ZNF92: variants seen among roughly 807,000 people sequenced by gnomAD.
The protein encoded by ZNF92 is zinc finger protein 92.
Under a neutral mutation model 12.4 loss-of-function variants are expected in ZNF92, and 11 were observed. The observed-to-expected ratio is 0.89, with a 90% CI of 0.56 to 1.47. The LOEUF (loss-of-function observed/expected upper bound fraction) is 1.47, where lower values mean the gene tolerates loss of function less well. Ranked by LOEUF, ZNF92 falls within the 40% of genes most tolerant of loss-of-function variation. The probability of loss-of-function intolerance (pLI) is 0.00; values close to 1 mark genes in which losing one functional copy is unlikely to be tolerated. For missense variants in ZNF92, 622 were observed against 681.0 expected (o/e 0.91, Z 0.96); for synonymous variants, 206 against 228.6 (o/e 0.90, Z 0.89).
intron 1 of ZNF92, among the ~76,000 whole-genome samples, chr7:65,387,583 T>C (rs1584282198): frequency 1.3e-5 from 2 of 150,112 alleles, no homozygotes; most frequent in East Asian, 3.9e-4. Flanking sequence ...TCTAACTCCA[T>C]GTCTTTTCCA....
At position 65,388,095 on chromosome 7, in the gene ZNF92, T is replaced by A. The variant is rs548167320; in HGVS notation, c.130+67T>A. On this transcript the variant is annotated intron_variant, in intron 2 of 3. Transcript: ENST00000328747. ...TTTCATTTCTCCTCTTTGTAAAATG[T>A]TTTTTGGTAATTTATGCTTTGCATA... The A allele has an allele frequency of 6.0e-6, 9 of 1,506,066 alleles. No individual in the cohort carries two copies. The Admixed American group carries it at 1.6e-4, about 27-fold the overall frequency. The allele number at this position is 1,506,066 out of a possible 1,614,324, so 93.3% of individuals were successfully genotyped here.
chr7:65,393,308 T>G (rs1429192845), intron 3 of ZNF92, among the ~76,000 whole-genome samples: 3 of 151,518 alleles, frequency 2.0e-5, no homozygotes, highest in Non-Finnish European at 4.4e-5. Flanking sequence ...TGACAAAATA[T>G]TCTCAAAGTT....
At chr7:65,388,593 G>A (rs887721652) in intron 2 of ZNF92, among the ~76,000 whole-genome samples, 19 of 151,760 alleles carry the variant, frequency 1.3e-4, no homozygotes, top group Non-Finnish European at 2.8e-4. Flanking sequence ...AGCTGAGATC[G>A]TGCCATTGCA....
intron 1 of ZNF92, among the ~76,000 whole-genome samples, chr7:65,380,645 G>A (rs1793382816): frequency 6.6e-6 from 1 of 152,136 alleles, no homozygotes; most frequent in South Asian, 2.1e-4. Context: ...ACTGTCACTA[G>A]TGCTGCAATG....
intron 1 of ZNF92, among the ~76,000 whole-genome samples, chr7:65,386,078 G>A (rs1162693509): frequency 9.2e-5 from 14 of 151,976 alleles, no homozygotes; most frequent in Admixed American, 7.9e-4. Context: ...GGAGTGCAGC[G>A]GCATGATCTT....
intron 3 of ZNF92, among the ~76,000 whole-genome samples, chr7:65,393,794 A>G (rs1217467284): frequency 6.6e-6 from 1 of 151,730 alleles, no homozygotes; most frequent in Non-Finnish European, 1.5e-5. Flanking sequence ...ATGTATATAT[A>G]TCTCTTGATA....
At position 65,387,982 on chromosome 7, in the gene ZNF92, A is replaced by G. The variant is rs1340870081; in HGVS notation, c.84A>G (p.Leu28=). 2 of 1,609,278 alleles carry G rather than the reference A, an allele frequency of 1.2e-6. No individual in the cohort carries two copies. The highest frequency in any genetic ancestry group is 1.7e-6 in the Non-Finnish European group (2 of 1,177,926). The change falls in exon 2 of 4, where the codon TTA becomes TTG. Residue 28 remains leucine (L), a synonymous_variant. Coordinates refer to ENST00000328747, the MANE Select transcript of ZNF92 (RefSeq NM_152626.4). ...GCCTGGACACTGCGCAGCGGAATTT[A>G]TATAGAGATGTGATGTTAGAGAACT... ...WQCLDTAQRN[L]YRDVMLENYR...
At chr7:65,390,764 A>C (rs932238394) in intron 3 of ZNF92, among the ~76,000 whole-genome samples, 1 of 152,034 alleles carries the variant, frequency 6.6e-6, no homozygotes, top group East Asian at 1.9e-4. Flanking sequence ...ATAACTGGCC[A>C]TAAACTGTGG....
intron 3 of ZNF92, among the ~76,000 whole-genome samples, chr7:65,392,746 G>A (rs571375641): frequency 1.4e-4 from 21 of 152,026 alleles, no homozygotes; most frequent in African/African-American, 5.1e-4. Flanking sequence ...ATGTTGGTCA[G>A]GCTGTTCTCC....
chr7:65,399,236 T>C lies in ZNF92; in HGVS notation c.1122T>C (p.Cys374=), dbSNP rs994974729. Residue 374 remains cysteine, a synonymous_variant, in exon 4 of 4, where the codon TGT becomes TGC. Transcript: ENST00000328747. ...AGAAACCCTACAAATGTGATGAATG[T>C]GGCAAAGCCTTTAACCAGTCCTCAA... The part of the protein sequence containing the change: ...TGEKPYKCDE[C]GKAFNQSSTL... 10 of 1,613,292 alleles carry C rather than the reference T, an allele frequency of 6.2e-6. No individual in the cohort carries two copies. The highest frequency in any genetic ancestry group is 8.5e-6 in the Non-Finnish European group (10 of 1,179,728).
In ZNF92 at chr7:65,400,109, A is replaced by G; in HGVS notation, c.*234A>G. On this transcript the variant is annotated 3_prime_UTR_variant, in exon 4 of 4. Coordinates refer to ENST00000328747, the MANE Select transcript of ZNF92 (RefSeq NM_152626.4). The stretch of plus-strand genomic sequence containing the variant: ...CATTTATACTTGAGAAAAATTGTAT[A>G]AAGAATATGGAAAAGCCATTTATAT... 2.6e-6 allele frequency: 1 copy of G among 379,846 alleles called. No individual in the cohort carries two copies. The highest frequency in any genetic ancestry group is 4.7e-6 in the Non-Finnish European group (1 of 214,168). 23.5% of individuals were successfully genotyped at this position (379,846 alleles called of 1,614,324 possible).
intron 3 of ZNF92, among the ~76,000 whole-genome samples, chr7:65,392,807 G>T (rs1415323313): frequency 6.6e-6 from 1 of 151,996 alleles, no homozygotes; most frequent in African/African-American, 2.4e-5. Context: ...AAAGTGCTGG[G>T]ATTACAGGAG....
chr7:65,374,148 T>G, intron 1 of ZNF92, 148 bp downstream of exon 1: 1 of 1,134,564 alleles, frequency 8.8e-7, no homozygotes, highest in Admixed American at 2.3e-5. Flanking sequence ...GCCCTCAGTC[T>G]CCTTCAGCCA....
At chr7:65,387,866 C>T (rs375160827) in intron 1 of ZNF92, 36 bp from the exon 2 acceptor site, 176 of 1,549,650 alleles carry the variant, frequency 1.1e-4, no homozygotes, top group Non-Finnish European at 1.4e-4. Flanking sequence ...ACTTAGTAAA[C>T]ATATGTGTGT....
rs139807129 is a variant in ZNF92 at position 65,379,171 on chromosome 7, A to G, written c.3+5171A>G. On this transcript the variant is annotated intron_variant, in intron 1 of 3. Coordinates refer to ENST00000328747, the MANE Select transcript of ZNF92 (RefSeq NM_152626.4). ...AGCAGTAGCTAAGAAGAATAGATGG[A>G]CCAATGAGGTTTTTGACTGACATCG... 7.9e-5 allele frequency among the ~76,000 whole-genome samples: 12 copies of G among 152,276 alleles called. No individual in the cohort carries two copies. In the East Asian group the frequency reaches 2.3e-3, roughly 29 times the overall value.
intron 3 of ZNF92, among the ~76,000 whole-genome samples, chr7:65,389,449 G>A (rs1376650946): frequency 1.3e-5 from 2 of 152,098 alleles, no homozygotes; most frequent in Non-Finnish European, 2.9e-5. Context: ...TGCACAATCT[G>A]ACTACTTTTC....
chr7:65,398,872 G>A lies in ZNF92; in HGVS notation c.758G>A (p.Gly253Glu), dbSNP rs1260327694. 1 of 1,610,852 alleles carries A rather than the reference G, an allele frequency of 6.2e-7. No homozygotes were observed. The highest frequency in any genetic ancestry group is 1.3e-5 in the African/African-American group (1 of 74,100). ...NLTKHKIIHT[G>E]EKPYKCEECG... ...ACTAAACATAAAATAATTCATACTG[G>A]AGAGAAACCCTACAAATGTGAAGAA... is the stretch of plus-strand genomic sequence containing the variant. The change falls in exon 4 of 4, where the codon GGA (glycine) becomes GAA (glutamate). Residue 253 changes from glycine to glutamate, a missense_variant. Transcript: ENST00000328747.
In ZNF92 at chr7:65,398,760, C is replaced by G. The variant is rs757096334; in HGVS notation, c.646C>G (p.Leu216Val). 10 of 1,613,072 alleles carry G rather than the reference C, an allele frequency of 6.2e-6. No homozygotes were observed. The highest frequency in any genetic ancestry group is 7.6e-6 in the Non-Finnish European group (9 of 1,179,758). Residue 216 changes from leucine to valine, a missense_variant, in exon 4 of 4, where the codon CTT becomes GTT. Transcript: ENST00000328747. ...CGKAFNWSST[L>V]TKHKIIHTGE... ...TAAAGCCTTTAACTGGTCCTCAACC[C>G]TTACTAAACATAAGATAATTCATAC...
chr7:65,388,992 C>T (rs1402901371), intron 3 of ZNF92, 91 bp downstream of exon 3: 1 of 1,168,324 alleles, frequency 8.6e-7, no homozygotes, highest in Non-Finnish European at 1.2e-6. Flanking sequence ...GGAGTTTTGA[C>T]CTTGTTGTCC....
Sources: allele counts gnomAD v4.1 joint callset (sites outside exome capture counted in the v4.1 genomes callset), GRCh38; gene constraint gnomAD v4.1.1; transcripts MANE v1.5; gene names NCBI Gene and HGNC (gene_info 2026-07-23, HGNC 2026-07-21).